COL28A1: variants seen among roughly 807,000 people sequenced by gnomAD.
COL28A1 encodes the protein collagen alpha-1(XXVIII) chain.
COL28A1 carries 161 observed loss-of-function variants against 150.2 expected under a neutral mutation model. The observed-to-expected ratio is 1.07, with a 90% confidence interval of 0.94 to 1.22. The LOEUF is 1.22. Ranked by LOEUF, COL28A1 falls within the 50% of genes most tolerant of loss-of-function variation. The pLI is 0.00. For missense variants in COL28A1, 1,617 were observed against 1,388.3 expected (o/e 1.16, Z -2.62); for synonymous variants, 552 against 469.7 (o/e 1.18, Z -2.26).
intron 6 of COL28A1, among the ~76,000 whole-genome samples, chr7:7,519,757 T>C (rs1467639899): frequency 6.6e-6 from 1 of 152,204 alleles, no homozygotes; most frequent in Non-Finnish European, 1.5e-5. Context: ...ATATTACTAG[T>C]TGCTGAATCA....
At chr7:7,363,657 T>A (rs1368382713) in intron 33 of COL28A1, among the ~76,000 whole-genome samples, 2 of 152,188 alleles carry the variant, frequency 1.3e-5, no homozygotes, top group Admixed American at 6.5e-5. Context: ...CTAGTCTTTT[T>A]TCTAGGTGCA....
intron 12 of COL28A1, among the ~76,000 whole-genome samples, chr7:7,490,052 G>A (rs748414844): frequency 6.6e-6 from 1 of 152,090 alleles, no homozygotes. Context: ...CAACCACTTG[G>A]AAAAGCCATT....
intron 15 of COL28A1, among the ~76,000 whole-genome samples, chr7:7,458,959 C>A (rs1228512127): frequency 6.6e-6 from 1 of 152,198 alleles, no homozygotes; most frequent in Non-Finnish European, 1.5e-5. Flanking sequence ...CATTTACATA[C>A]ATTTGAGAGG....
At chr7:7,494,962 A>T (rs1264168886) in intron 11 of COL28A1, among the ~76,000 whole-genome samples, 1 of 152,144 alleles carries the variant, frequency 6.6e-6, no homozygotes, top group African/African-American at 2.4e-5. Context: ...GAGGCTTAAA[A>T]TGGTGTTAAA....
chr7:7,480,114 C>T (rs141378341), intron 13 of COL28A1, among the ~76,000 whole-genome samples: 8 of 152,252 alleles, frequency 5.3e-5, no homozygotes, highest in Non-Finnish European at 1.0e-4. Flanking sequence ...TGATTTAAGA[C>T]GCTTTTCTCC....
chr7:7,515,927 TA>T, intron 7 of COL28A1, 87 bp from the exon 8 acceptor site: 1 of 750,980 alleles, frequency 1.3e-6, no homozygotes, highest in Non-Finnish European at 2.4e-6. Context: ...TTACAAGGTA[TA>T]ACAAAAACAC....
At chr7:7,516,446 GTC>G (rs1435443051) in intron 7 of COL28A1, among the ~76,000 whole-genome samples, 2 of 152,142 alleles carry the variant, frequency 1.3e-5, no homozygotes, top group Admixed American at 1.3e-4. Flanking sequence ...CACTTCTACT[GTC>G]TTCTGTGTGT....
intron 11 of COL28A1, among the ~76,000 whole-genome samples, chr7:7,504,709 G>T (rs139823676): frequency 8.0e-4 from 122 of 152,234 alleles, no homozygotes; most frequent in Middle Eastern, 3.4e-3. Flanking sequence ...TTGATCTCCA[G>T]GCTTTGTTTC....
At chr7:7,461,791 G>T (rs1057188423) in intron 15 of COL28A1, among the ~76,000 whole-genome samples, 1 of 152,084 alleles carries the variant, frequency 6.6e-6, no homozygotes, top group African/African-American at 2.4e-5. Flanking sequence ...CCGCCTAATG[G>T]TCCTTCCCTA....
chr7:7,502,926 T>C (rs1780615246), intron 11 of COL28A1, among the ~76,000 whole-genome samples: 1 of 46,572 alleles, frequency 2.1e-5, no homozygotes. Context: ...CTCGATCTCC[T>C]GACCTCGTGA....
intron 9 of COL28A1, among the ~76,000 whole-genome samples, chr7:7,509,930 C>G (rs1205787088): frequency 6.6e-6 from 1 of 152,154 alleles, no homozygotes; most frequent in African/African-American, 2.4e-5. Context: ...TTTGCAGATC[C>G]ACCTGACTTT....
chr7:7,434,516 T>C lies in COL28A1; in HGVS notation c.1861-1816A>G, dbSNP rs147372657. On this transcript the variant is annotated intron_variant, in intron 23 of 34. Transcript: ENST00000399429. Reference sequence around the variant, plus strand: ...AATTAAAAGGAAAAGAAAATTGGAATCAAAATTTACTTTTCAGTTTTTATT... The same window carrying C: ...AATTAAAAGGAAAAGAAAATTGGAACCAAAATTTACTTTTCAGTTTTTATT... Among the ~76,000 whole-genome samples, 114 of 152,314 alleles carry C rather than the reference T, an allele frequency of 7.5e-4. 1 individual carries two copies. Among genetic ancestry groups the C allele is most frequent in the African/African-American group, 2.5e-3 (105 of 41,582 alleles).
rs143136446 is a variant in COL28A1, at chr7:7,403,212, C to T, written c.2136+14647G>A. 2.6e-3 allele frequency among the ~76,000 whole-genome samples: 388 copies of T among 152,140 alleles called. 1 individual carries two copies. The highest frequency in any genetic ancestry group is 8.8e-3 in the African/African-American group (367 of 41,500). On this transcript the variant is annotated intron_variant, in intron 27 of 34. Transcript: ENST00000399429. ...ATCTTTCCAAGAAGAGGGAACAGCACGTGAACAAGCACCTGGCCCAGGAAA... is the reference window on the plus strand; with the variant it reads ...ATCTTTCCAAGAAGAGGGAACAGCATGTGAACAAGCACCTGGCCCAGGAAA...
At chr7:7,432,576 C>T (rs1562629490) in intron 24 of COL28A1, 35 bp from the exon 25 acceptor site, 2 of 1,611,592 alleles carry the variant, frequency 1.2e-6, no homozygotes, top group African/African-American at 1.3e-5. Context: ...AGTGAGCATC[C>T]TTGTAGTATG....
intron 27 of COL28A1, among the ~76,000 whole-genome samples, chr7:7,402,342 A>G (rs1478968695): frequency 6.6e-6 from 1 of 152,242 alleles, no homozygotes; most frequent in Non-Finnish European, 1.5e-5. Context: ...TCTATGGCTC[A>G]GAAGGAGTGG....
intron 8 of COL28A1, 39 bp from the exon 9 acceptor site, chr7:7,511,174 G>A (rs774915917): frequency 6.9e-7 from 1 of 1,456,730 alleles, no homozygotes; most frequent in Non-Finnish European, 9.6e-7. Context: ...GAGAACACTT[G>A]CAGTCATTCA....
chr7:7,388,147 T>C (rs1782306647), intron 27 of COL28A1, among the ~76,000 whole-genome samples: 1 of 152,112 alleles, frequency 6.6e-6, no homozygotes, highest in African/African-American at 2.4e-5. Flanking sequence ...TTTCTCCTAA[T>C]GCTATCCCTC....
intron 30 of COL28A1, among the ~76,000 whole-genome samples, chr7:7,377,760 G>A (rs1054858090): frequency 6.9e-6 from 1 of 144,912 alleles, no homozygotes; most frequent in Non-Finnish European, 1.5e-5. Flanking sequence ...TAAGAGAGAT[G>A]ATCATAGCAG....
chr7:7,367,995 T>C (rs543305914), intron 33 of COL28A1, among the ~76,000 whole-genome samples: 10 of 152,192 alleles, frequency 6.6e-5, no homozygotes, highest in South Asian at 2.1e-4. Flanking sequence ...CTTTTCAATC[T>C]GTGCCTCCTT....
Sources: gnomAD v4.1 joint callset for allele counts (sites outside exome capture counted in the v4.1 genomes callset) on GRCh38, gnomAD v4.1.1 for gene constraint, MANE v1.5 for transcripts, NCBI Gene and HGNC (gene_info 2026-07-23, HGNC 2026-07-21) for gene names.